Variants in TMEM135 observed in about 807,000 individuals in gnomAD.
TMEM135 encodes the protein peroxisomal membrane protein 52.
A neutral mutation model predicts 60.3 loss-of-function variants in TMEM135; 30 were observed. That is an observed-to-expected ratio of 0.50 (90% CI 0.37 to 0.68). The LOEUF (loss-of-function observed/expected upper bound fraction) is 0.68, where lower values mean the gene tolerates loss of function less well. TMEM135 is among the 30% of genes least tolerant of loss of function. The probability of loss-of-function intolerance (pLI) is 0.00; values close to 1 mark genes in which losing one functional copy is unlikely to be tolerated. For missense variants in TMEM135, 468 were observed against 548.8 expected, an observed-to-expected ratio of 0.85 and a Z score of 1.47; for synonymous variants, 190 against 186.7, an observed-to-expected ratio of 1.02 and a Z score of -0.14.
chr11:87,257,333 G>C (rs1196417142), intron 6 of TMEM135, among the ~76,000 whole-genome samples: 1 of 152,102 alleles, frequency 6.6e-6, no homozygotes, highest in Non-Finnish European at 1.5e-5. Context: ...TCTCAAGCCT[G>C]ATTCTTTCTT....
At chr11:87,237,751 C>T (rs1261417140) in intron 6 of TMEM135, among the ~76,000 whole-genome samples, 1 of 151,782 alleles carries the variant, frequency 6.6e-6, no homozygotes, top group Non-Finnish European at 1.5e-5. Flanking sequence ...GTTGTGCTAT[C>T]AAATAGTAGG....
At chr11:87,305,210 C>G (rs1440865623) in intron 8 of TMEM135, among the ~76,000 whole-genome samples, 1 of 152,056 alleles carries the variant, frequency 6.6e-6, no homozygotes, top group Non-Finnish European at 1.5e-5. Flanking sequence ...CAAGTACTGA[C>G]TTCATGGATG....
At chr11:87,133,664 A>G (rs1485248603) in intron 4 of TMEM135, among the ~76,000 whole-genome samples, 1 of 152,150 alleles carries the variant, frequency 6.6e-6, no homozygotes, top group Non-Finnish European at 1.5e-5. Flanking sequence ...TACTCTACAA[A>G]TTTATTTCCT....
intron 4 of TMEM135, among the ~76,000 whole-genome samples, chr11:87,123,255 T>C (rs1937632729): frequency 7.4e-6 from 1 of 135,298 alleles, no homozygotes; most frequent in South Asian, 2.4e-4. Flanking sequence ...AAGCAAGGTG[T>C]TGGCAGAGCT....
intron 5 of TMEM135, among the ~76,000 whole-genome samples, chr11:87,203,268 G>A (rs1180608727): frequency 6.6e-6 from 1 of 151,924 alleles, no homozygotes; most frequent in Non-Finnish European, 1.5e-5. Context: ...CATTCTATGG[G>A]TTTGGATGAA....
chr11:87,235,094 G>C (rs1048173579), intron 5 of TMEM135, among the ~76,000 whole-genome samples: 8 of 152,040 alleles, frequency 5.3e-5, no homozygotes, highest in Admixed American at 3.3e-4. Flanking sequence ...TGTCATGACT[G>C]GGTTTTGTTA....
At chr11:87,233,807 C>T (rs1476955812) in intron 5 of TMEM135, among the ~76,000 whole-genome samples, 1 of 152,006 alleles carries the variant, frequency 6.6e-6, no homozygotes, top group Non-Finnish European at 1.5e-5. Flanking sequence ...GGGCATATCA[C>T]TTACCTTTTC....
In TMEM135 at chr11:87,244,608, T is replaced by C. The variant is rs1347832815; in HGVS notation, c.509+7924T>C. 2.5e-5 allele frequency among the ~76,000 whole-genome samples: 2 copies of C among 81,036 alleles called. 1 individual carries two copies. The allele number at this position is 81,036 out of a possible 152,430, so 53.2% of individuals were successfully genotyped here. A position where few individuals can be genotyped will look rare whatever the true frequency, so the allele number is the denominator to read the frequency against. ...ATGTATGTGTCGAGGAATTCATCCA[T>C]TTCTTCCACATTTTCTAGTTTATTT... is the stretch of plus-strand genomic sequence containing the variant. On this transcript the variant is annotated intron_variant, in intron 6 of 14. Coordinates refer to ENST00000305494, the MANE Select transcript of TMEM135 (RefSeq NM_022918.4).
intron 6 of TMEM135, among the ~76,000 whole-genome samples, chr11:87,283,067 G>A (rs543508982): frequency 6.6e-6 from 1 of 152,288 alleles, no homozygotes; most frequent in Non-Finnish European, 1.5e-5. Flanking sequence ...GCCAGATGCA[G>A]TGGCTGCCTG....
At chr11:87,252,371 G>A (rs975229062) in intron 6 of TMEM135, among the ~76,000 whole-genome samples, 13 of 152,002 alleles carry the variant, frequency 8.6e-5, no homozygotes, top group Admixed American at 2.0e-4. Context: ...CCTTGCACAT[G>A]TGTTTTAAGT....
intron 5 of TMEM135, among the ~76,000 whole-genome samples, chr11:87,195,551 C>G (rs376908021): frequency 1.3e-5 from 2 of 151,946 alleles, no homozygotes; most frequent in African/African-American, 2.4e-5. Flanking sequence ...CTCAGCCAGT[C>G]GAGTAGCTGG....
chr11:87,229,875 A>AT (rs1236145934), intron 5 of TMEM135, among the ~76,000 whole-genome samples: 2 of 151,904 alleles, frequency 1.3e-5, no homozygotes, highest in African/African-American at 4.8e-5. Context: ...ATTCTGTTTG[A>AT]ATTTTTGTTT....
intron 6 of TMEM135, among the ~76,000 whole-genome samples, chr11:87,258,503 G>A (rs564443567): frequency 5.9e-5 from 9 of 152,166 alleles, no homozygotes; most frequent in Non-Finnish European, 8.8e-5. Context: ...GTCATTAATG[G>A]TCAGGGGCAC....
intron 4 of TMEM135, among the ~76,000 whole-genome samples, chr11:87,150,004 G>A (rs1938514675): frequency 6.6e-6 from 1 of 152,028 alleles, no homozygotes; most frequent in Non-Finnish European, 1.5e-5. Flanking sequence ...ATCACCTGAG[G>A]GTCAAGAGTT....
intron 4 of TMEM135, among the ~76,000 whole-genome samples, chr11:87,154,703 T>C (rs1008244331): frequency 6.8e-6 from 1 of 147,258 alleles, no homozygotes; most frequent in Non-Finnish European, 1.5e-5. Flanking sequence ...ACTGTGGTTT[T>C]GATTTGCATT....
intron 6 of TMEM135, chr11:87,258,898 A>G (rs568541708): frequency 1.8e-6 from 2 of 1,111,424 alleles, no homozygotes; most frequent in South Asian, 2.5e-5. Flanking sequence ...TCTTCCTGAG[A>G]GCCCTGTGTT....
intron 5 of TMEM135, among the ~76,000 whole-genome samples, chr11:87,202,369 A>G (rs1940123342): frequency 6.6e-6 from 1 of 152,162 alleles, no homozygotes; most frequent in Admixed American, 6.5e-5. Flanking sequence ...TCCATCACCC[A>G]GGCTGGAGTG....
chr11:87,246,774 C>G (rs1350909125), intron 6 of TMEM135, among the ~76,000 whole-genome samples: 1 of 123,422 alleles, frequency 8.1e-6, no homozygotes. Context: ...TCAAAGTTTT[C>G]AACTTCTTTG....
At position 87,326,911 on chromosome 11, in the gene TMEM135, CTTTT is replaced by C. The variant is rs11332885; in HGVS notation, c.*5594_*5597del. On this transcript the variant is annotated 3_prime_UTR_variant, in exon 15 of 15. Coordinates refer to ENST00000305494, the MANE Select transcript of TMEM135 (RefSeq NM_022918.4). ...AGGCATCATTGAATCATCTGAGGAC[CTTTT>C]TTTTTTTTTTTTTTTCACTAAAACG... The C allele has an allele frequency of 3.3e-3, 1,270 of 388,298 alleles. No homozygotes were observed. The highest frequency in any genetic ancestry group is 7.8e-3 in the Middle Eastern group (9 of 1,158). 24.1% of individuals were successfully genotyped at this position (388,298 alleles called of 1,614,324 possible). A position where few individuals can be genotyped will look rare whatever the true frequency, so the allele number is the denominator to read the frequency against.
Sources: allele counts gnomAD v4.1 joint callset (sites outside exome capture counted in the v4.1 genomes callset), GRCh38; gene constraint gnomAD v4.1.1; transcripts MANE v1.5; gene names NCBI Gene and HGNC (gene_info 2026-07-23, HGNC 2026-07-21).